PDZRN4: variants seen among roughly 807,000 people sequenced by gnomAD.
PDZRN4 encodes the protein PDZ domain containing ring finger 4.
In PDZRN4, 70 loss-of-function variants were observed where a neutral mutation model predicts 99.0. The observed-to-expected ratio is 0.71, with a 90% CI of 0.58 to 0.86. PDZRN4 has a LOEUF of 0.86. Ranked by LOEUF, PDZRN4 falls within the 40% of genes least tolerant of loss-of-function variation. PDZRN4 has a pLI of 0.00. For synonymous variants in PDZRN4, 551 were observed against 501.6 expected, an observed-to-expected ratio of 1.10 and a Z score of -1.32; for missense variants, 1,474 against 1,331.2, an observed-to-expected ratio of 1.11 and a Z score of -1.67.
chr12:41,287,029 C>T (rs902211294), intron 3 of PDZRN4, among the ~76,000 whole-genome samples: 2 of 152,114 alleles, frequency 1.3e-5, no homozygotes, highest in Admixed American at 1.3e-4. Context: ...CCTTCTCATT[C>T]TAACTAATGT....
chr12:41,293,506 G>T (rs1951470367), intron 3 of PDZRN4, among the ~76,000 whole-genome samples: 2 of 151,870 alleles, frequency 1.3e-5, no homozygotes, highest in Admixed American at 6.6e-5. Flanking sequence ...CCAGTATTAA[G>T]AATGAATGTC....
chr12:41,331,513 G>T (rs1951740910), intron 3 of PDZRN4, among the ~76,000 whole-genome samples: 1 of 151,976 alleles, frequency 6.6e-6, no homozygotes, highest in African/African-American at 2.4e-5. Context: ...AATGTGAAAG[G>T]AGGGAAAAAA....
At chr12:41,442,826 C>G (rs1952691388) in intron 3 of PDZRN4, among the ~76,000 whole-genome samples, 1 of 151,936 alleles carries the variant, frequency 6.6e-6, no homozygotes, top group South Asian at 2.1e-4. Context: ...CCAAGAGAAT[C>G]AGAGACATCT....
At chr12:41,486,482 T>A (rs1364677834) in intron 3 of PDZRN4, among the ~76,000 whole-genome samples, 2 of 152,154 alleles carry the variant, frequency 1.3e-5, no homozygotes, top group African/African-American at 4.8e-5. Context: ...CAAACAAGAT[T>A]CTATATAATG....
chr12:41,274,052 G>A (rs763556628), intron 3 of PDZRN4, among the ~76,000 whole-genome samples: 12 of 152,032 alleles, frequency 7.9e-5, no homozygotes, highest in Admixed American at 3.9e-4. Flanking sequence ...TTTAAGTTAA[G>A]TTCATATAAC....
chr12:41,271,166 ATGAC>A, intron 3 of PDZRN4, among the ~76,000 whole-genome samples: 1 of 152,112 alleles, frequency 6.6e-6, no homozygotes, highest in Admixed American at 6.6e-5. Flanking sequence ...TTTTTCTTGA[ATGAC>A]TGTATCTAGA....
intron 3 of PDZRN4, among the ~76,000 whole-genome samples, chr12:41,420,781 A>C (rs1952482236): frequency 6.6e-6 from 1 of 152,036 alleles, no homozygotes; most frequent in African/African-American, 2.4e-5. Flanking sequence ...TGAATGCCCA[A>C]CTCACTGCCT....
chr12:41,498,523 G>C (rs903441759), intron 3 of PDZRN4, among the ~76,000 whole-genome samples: 1 of 152,128 alleles, frequency 6.6e-6, no homozygotes, highest in African/African-American at 2.4e-5. Context: ...AGAGCAAAAG[G>C]TTTGGGAAGG....
intron 3 of PDZRN4, among the ~76,000 whole-genome samples, chr12:41,487,282 G>T (rs1937796116): frequency 6.6e-6 from 1 of 151,334 alleles, no homozygotes; most frequent in East Asian, 1.9e-4. Flanking sequence ...GATGAAAACG[G>T]AAGGGAAAAA....
rs76709878 is a variant in PDZRN4, at chr12:41,456,657, G to T, written c.844-49799G>T. On this transcript the variant is annotated intron_variant, in intron 3 of 9. Transcript: ENST00000402685. ...AATGAATGAAGACATACTGCAGAGGGCCTTATAAATATCATAACTGGTGTT... is the reference window on the plus strand; with the variant it reads ...AATGAATGAAGACATACTGCAGAGGTCCTTATAAATATCATAACTGGTGTT... Among the ~76,000 whole-genome samples, 1,138 of 152,296 alleles carry T rather than the reference G, an allele frequency of 7.5e-3. 18 individuals are homozygous for T. Among genetic ancestry groups the T allele is most frequent in the African/African-American group, 0.025 (1,035 of 41,562 alleles).
intron 3 of PDZRN4, among the ~76,000 whole-genome samples, chr12:41,378,520 A>ATTTTTTTTTTTTTTTTTTTTTTTTTTT (rs71081733): frequency 9.7e-6 from 1 of 102,844 alleles, no homozygotes; most frequent in African/African-American, 3.7e-5. Flanking sequence ...TCTGTCTTCA[A>ATTTTTTTTTTTTTTTTTTTTTTTTTTT]TTTTTTTTTT....
At chr12:41,292,221 GT>G (rs1951460997) in intron 3 of PDZRN4, among the ~76,000 whole-genome samples, 1 of 152,166 alleles carries the variant, frequency 6.6e-6, no homozygotes, top group Non-Finnish European at 1.5e-5. Flanking sequence ...AGAACAACAG[GT>G]TTAAGCAAAC....
intron 3 of PDZRN4, among the ~76,000 whole-genome samples, chr12:41,478,500 AT>A (rs139327521): frequency 0.024 from 3,641 of 152,250 alleles, 143 homozygotes; most frequent in African/African-American, 0.084. Context: ...TTACAAAAAA[AT>A]AAAAGAGCAG....
intron 3 of PDZRN4, among the ~76,000 whole-genome samples, chr12:41,269,973 C>T (rs1177760350): frequency 6.6e-6 from 1 of 152,142 alleles, no homozygotes; most frequent in Non-Finnish European, 1.5e-5. Flanking sequence ...GTCTCTCCCC[C>T]TACCTCTCTC....
At chr12:41,482,692 G>T (rs988623882) in intron 3 of PDZRN4, among the ~76,000 whole-genome samples, 1 of 152,132 alleles carries the variant, frequency 6.6e-6, no homozygotes, top group African/African-American at 2.4e-5. Context: ...ATAAGGCTAA[G>T]ATCAGTATAT....
chr12:41,563,639 C>G lies in PDZRN4; in HGVS notation c.1457C>G (p.Pro486Arg), dbSNP rs1371268171. ...AGAATCGTGCTGCTTGTTGCAAGGC[C>G]AGAGATTCAGGTCAGAACAGAGATC... ...CKRIVLLVAR[P>R]EIQLDEGWLE... Residue 486 changes from proline (P) to arginine (R), a missense_variant, in exon 8 of 10, where the codon CCA (proline) becomes CGA (arginine). Transcript: ENST00000402685. 3 of 1,611,148 alleles carry G rather than the reference C, an allele frequency of 1.9e-6. No homozygotes were observed. In the Admixed American group the frequency reaches 5.0e-5, roughly 27 times the overall value.
At chr12:41,278,024 T>C (rs1951360822) in intron 3 of PDZRN4, among the ~76,000 whole-genome samples, 1 of 152,234 alleles carries the variant, frequency 6.6e-6, no homozygotes, top group Non-Finnish European at 1.5e-5. Context: ...AATGACGCTC[T>C]TAGATGTAAA....
intron 3 of PDZRN4, among the ~76,000 whole-genome samples, chr12:41,381,084 A>C (rs10785258): frequency 0.47 from 72,051 of 151,986 alleles, 17,862 homozygotes; most frequent in Middle Eastern, 0.66. Flanking sequence ...AAATACTCTA[A>C]TAGTCTAATT....
chr12:41,558,059 C>T (rs1230924291), intron 7 of PDZRN4, among the ~76,000 whole-genome samples: 1 of 152,086 alleles, frequency 6.6e-6, no homozygotes, highest in East Asian at 1.9e-4. Flanking sequence ...ATTAAAGGGA[C>T]CATTTTCGTG....
Sources: allele counts gnomAD v4.1 joint callset (sites outside exome capture counted in the v4.1 genomes callset), GRCh38; gene constraint gnomAD v4.1.1; transcripts MANE v1.5; gene names NCBI Gene and HGNC (gene_info 2026-07-23, HGNC 2026-07-21).